Variants in RNGTT observed in about 807,000 individuals in gnomAD.
RNGTT encodes mRNA-capping enzyme.
A neutral mutation model predicts 79.3 loss-of-function variants in RNGTT; 33 were observed. The observed-to-expected ratio is 0.42, with a 90% CI of 0.32 to 0.56. The LOEUF is 0.56. Ranked by LOEUF, RNGTT falls within the 20% of genes least tolerant of loss-of-function variation. RNGTT has a pLI of 0.17. For missense variants in RNGTT, 497 were observed against 739.1 expected (o/e 0.67, Z 3.80); for synonymous variants, 222 against 235.9 (o/e 0.94, Z 0.54).
chr6:88,780,934 T>G (rs796316065), intron 12 of RNGTT, among the ~76,000 whole-genome samples: 3 of 152,152 alleles, frequency 2.0e-5, no homozygotes, highest in African/African-American at 7.2e-5. Flanking sequence ...AAGGGATATT[T>G]GGCAATGCGT....
At chr6:88,909,740 T>A (rs1056669060) in intron 4 of RNGTT, among the ~76,000 whole-genome samples, 2 of 152,162 alleles carry the variant, frequency 1.3e-5, no homozygotes, top group African/African-American at 4.8e-5. Context: ...TGCGCAGCTG[T>A]GTAAGAGCCT....
At chr6:88,906,516 C>A in intron 4 of RNGTT, 76 bp from the exon 5 acceptor site, 1 of 751,138 alleles carries the variant, frequency 1.3e-6, no homozygotes, top group Non-Finnish European at 2.2e-6. Context: ...TTCCAACCTG[C>A]AATCAAAACA....
intron 4 of RNGTT, among the ~76,000 whole-genome samples, chr6:88,912,625 A>T (rs970344354): frequency 3.9e-5 from 6 of 152,176 alleles, no homozygotes; most frequent in Non-Finnish European, 8.8e-5. Flanking sequence ...GATAAACAAG[A>T]TTGACAGGCC....
At chr6:88,721,679 C>T (rs966139124) in intron 13 of RNGTT, among the ~76,000 whole-genome samples, 71 of 152,216 alleles carry the variant, frequency 4.7e-4, no homozygotes, top group African/African-American at 1.6e-3. Flanking sequence ...CTCATTATAA[C>T]AACCTTCCTT....
At chr6:88,645,828 C>CCTTA (rs1773527403) in intron 14 of RNGTT, among the ~76,000 whole-genome samples, 1 of 152,206 alleles carries the variant, frequency 6.6e-6, no homozygotes, top group Non-Finnish European at 1.5e-5. Context: ...TGGATCCCTT[C>CCTTA]CTTACACCTT....
intron 13 of RNGTT, among the ~76,000 whole-genome samples, chr6:88,762,051 A>G (rs533997750): frequency 1.3e-5 from 2 of 152,266 alleles, no homozygotes; most frequent in South Asian, 2.1e-4. Flanking sequence ...CTTACTTTAA[A>G]CAGACACGAA....
At chr6:88,674,106 A>G (rs1774764237) in intron 14 of RNGTT, among the ~76,000 whole-genome samples, 1 of 152,150 alleles carries the variant, frequency 6.6e-6, no homozygotes, top group Non-Finnish European at 1.5e-5. Context: ...GTCATTATTT[A>G]AGGAACTAGA....
chr6:88,676,124 T>C (rs573898379), intron 14 of RNGTT, among the ~76,000 whole-genome samples: 2 of 152,062 alleles, frequency 1.3e-5, no homozygotes, highest in African/African-American at 4.8e-5. Flanking sequence ...AAGAACAAAG[T>C]TGGAGGATTT....
chr6:88,844,434 T>A lies in RNGTT; in HGVS notation c.1192A>T (p.Thr398Ser). The A allele has an allele frequency of 3.1e-6, 5 of 1,614,060 alleles. No individual in the cohort carries two copies. Among genetic ancestry groups the A allele is most frequent in the Non-Finnish European group, 4.2e-6 (5 of 1,179,940 alleles). ...IISPRHEKMK[T>S]GLIDKTQEPF... is the part of the protein sequence containing the mutation. ...TCCTGTGTTTTGTCAATGAGCCCAG[T>A]CTTCATTTTTTCGTGTCGAGGACTT... The change falls in exon 11 of 16, where the codon ACT becomes TCT. Residue 398 changes from threonine to serine, a missense_variant. Around this residue, in one of 3 missense-constraint regions of RNGTT, gnomAD observed 440 missense variants for 671.5 expected, o/e 0.66. Coordinates refer to ENST00000369485, the MANE Select transcript of RNGTT (RefSeq NM_003800.5).
chr6:88,741,323 T>C (rs1777484661), intron 13 of RNGTT, among the ~76,000 whole-genome samples: 1 of 152,176 alleles, frequency 6.6e-6, no homozygotes, highest in African/African-American at 2.4e-5. Flanking sequence ...AAGGCCATTA[T>C]TCTAAATGTG....
chr6:88,678,322 G>A, intron 14 of RNGTT, 31 bp downstream of exon 14: 1 of 1,584,410 alleles, frequency 6.3e-7, no homozygotes, highest in Non-Finnish European at 8.6e-7. Flanking sequence ...AGAACATCCA[G>A]GAAAAGTACA....
At position 88,639,593 on chromosome 6, in the gene RNGTT, GC is replaced by G. The variant is rs751587307; in HGVS notation, c.1507-25199del. 4.7e-4 allele frequency among the ~76,000 whole-genome samples: 71 copies of G among 152,226 alleles called. 1 individual carries two copies. The highest frequency in any genetic ancestry group is 7.2e-4 in the Admixed American group (11 of 15,286). On this transcript the variant is annotated intron_variant, in intron 14 of 15. Transcript: ENST00000369485. ...GGCTCATACTTCCCTTATAGTTCTT[GC>G]TGTATTACTCTCTGCTTTGTAGCTA... is the stretch of plus-strand genomic sequence containing the variant.
chr6:88,678,561 T>G (rs1774971055), intron 13 of RNGTT, 142 bp from the exon 14 acceptor site: 2 of 385,852 alleles, frequency 5.2e-6, no homozygotes, highest in South Asian at 2.4e-4. Context: ...GTAATAACTG[T>G]GTAATTATTC....
At chr6:88,853,151 T>G (rs944671540) in intron 9 of RNGTT, among the ~76,000 whole-genome samples, 1 of 152,212 alleles carries the variant, frequency 6.6e-6, no homozygotes. Flanking sequence ...AGATCTCTCT[T>G]TAAGAGGACC....
At chr6:88,942,118 T>C (rs1368133717) in intron 1 of RNGTT, among the ~76,000 whole-genome samples, 1 of 151,838 alleles carries the variant, frequency 6.6e-6, no homozygotes, top group Non-Finnish European at 1.5e-5. Context: ...ATATGGTTTT[T>C]ATTATCAGGT....
Position 88,631,488 on chromosome 6 carries a change from G to A in RNGTT, c.1507-17093C>T, listed in dbSNP as rs543489441. On this transcript the variant is annotated intron_variant, in intron 14 of 15. Coordinates refer to ENST00000369485, the MANE Select transcript of RNGTT (RefSeq NM_003800.5). Reference sequence around the variant, plus strand: ...ACCTTGACATCTCACAAAGGAGTAAGGGAGCACTTATATGCAGATCCGATA... The same window carrying A: ...ACCTTGACATCTCACAAAGGAGTAAAGGAGCACTTATATGCAGATCCGATA... Among the ~76,000 whole-genome samples the A allele has an allele frequency of 8.5e-5, 13 of 152,326 alleles. No homozygotes were observed. In the East Asian group the frequency reaches 2.5e-3, roughly 29 times the overall value.
chr6:88,907,735 C>CTTTTTTTTTTTTTTTTTTTTT, intron 4 of RNGTT, among the ~76,000 whole-genome samples: 1 of 125,452 alleles, frequency 8.0e-6, no homozygotes, highest in Non-Finnish European at 1.7e-5. Context: ...TAAGCTGTAT[C>CTTTTTTTTTTTTTTTTTTTTT]TTTTTTTTTT....
At chr6:88,886,030 G>A (rs763819805) in intron 8 of RNGTT, among the ~76,000 whole-genome samples, 3 of 152,226 alleles carry the variant, frequency 2.0e-5, no homozygotes, top group Non-Finnish European at 4.4e-5. Flanking sequence ...CAGAGGCCGG[G>A]CGCGGTGGCT....
At chr6:88,803,485 G>A (rs1007919844) in intron 11 of RNGTT, among the ~76,000 whole-genome samples, 2 of 149,742 alleles carry the variant, frequency 1.3e-5, no homozygotes, top group Non-Finnish European at 2.9e-5. Context: ...GCCGAGGCAG[G>A]AGAATCACCT....
Sources: gnomAD v4.1 joint callset for allele counts (sites outside exome capture counted in the v4.1 genomes callset) on GRCh38, gnomAD v4.1.1 for gene constraint, gnomAD v4.1.1 regional missense constraint, MANE v1.5 for transcripts, NCBI Gene and HGNC (gene_info 2026-07-23, HGNC 2026-07-21) for gene names.